Variants in CRTC3 observed in about 807,000 individuals in gnomAD.
CRTC3 encodes the protein CREB-regulated transcription coactivator 3.
A neutral mutation model predicts 74.5 loss-of-function variants in CRTC3; 26 were observed. The observed-to-expected ratio is 0.35, with a 90% CI of 0.26 to 0.48. The LOEUF is 0.48. CRTC3 is among the 20% of genes least tolerant of loss of function. The probability of loss-of-function intolerance (pLI) is 0.99; values close to 1 mark genes in which losing one functional copy is unlikely to be tolerated. For missense variants in CRTC3, 760 were observed against 787.3 expected, an observed-to-expected ratio of 0.97 and a Z score of 0.41; for synonymous variants, 377 against 325.8, an observed-to-expected ratio of 1.16 and a Z score of -1.69.
chr15:90,609,906 G>C (rs572009267), intron 6 of CRTC3, among the ~76,000 whole-genome samples: 1 of 152,308 alleles, frequency 6.6e-6, no homozygotes, highest in East Asian at 1.9e-4. Flanking sequence ...AGAAATTGTT[G>C]GGCTACAATA....
intron 2 of CRTC3, among the ~76,000 whole-genome samples, chr15:90,586,362 CTTTTTTTTT>C (rs55985691): frequency 1.2e-5 from 1 of 81,266 alleles, no homozygotes; most frequent in Non-Finnish European, 2.3e-5. Flanking sequence ...GGTAGAACTT[CTTTTTTTTT>C]TTTTTTTTTT....
At chr15:90,543,169 C>T (rs982457494) in intron 2 of CRTC3, among the ~76,000 whole-genome samples, 8 of 149,770 alleles carry the variant, frequency 5.3e-5, no homozygotes, top group African/African-American at 1.2e-4. Flanking sequence ...TGGTGGTGCA[C>T]GCCTCTGGTC....
At chr15:90,622,890 T>C (rs1391612821) in intron 9 of CRTC3, among the ~76,000 whole-genome samples, 2 of 152,102 alleles carry the variant, frequency 1.3e-5, no homozygotes, top group African/African-American at 2.4e-5. Context: ...AAATTTATAT[T>C]CAGTTTTTCT....
chr15:90,641,074 C>T (rs1359205720), intron 13 of CRTC3, 23 bp from the exon 14 acceptor site: 1 of 1,538,018 alleles, frequency 6.5e-7, no homozygotes, highest in African/African-American at 1.4e-5. Flanking sequence ...TGGCCTTCCT[C>T]ACATGACCTT....
chr15:90,583,400 G>T (rs888663610), intron 2 of CRTC3, among the ~76,000 whole-genome samples: 1 of 152,170 alleles, frequency 6.6e-6, no homozygotes, highest in African/African-American at 2.4e-5. Context: ...CAGGTTGGGT[G>T]CTGGTGCCTT....
chr15:90,627,007 T>C (rs1968860449), intron 10 of CRTC3, among the ~76,000 whole-genome samples: 1 of 152,238 alleles, frequency 6.6e-6, no homozygotes, highest in African/African-American at 2.4e-5. Flanking sequence ...AATTGTGTTG[T>C]GGAGCATTTC....
chr15:90,591,134 A>T (rs1219939463), intron 2 of CRTC3, among the ~76,000 whole-genome samples: 12 of 122,628 alleles, frequency 9.8e-5, no homozygotes, highest in African/African-American at 3.2e-4. Flanking sequence ...TTTTTTTTTT[A>T]ATTTTTTTTT....
Position 90,583,436 on chromosome 15 carries a change from C to T in CRTC3, c.232-10200C>T, listed in dbSNP as rs76569505. On this transcript the variant is annotated intron_variant, in intron 2 of 14. Transcript: ENST00000268184. ...CTCTGGTCTGTTCTGCTCTTCATCT[C>T]TTCTTTTCATGCCTCACAGCAAGAC... Among the ~76,000 whole-genome samples, 1,052 of 152,278 alleles carry T rather than the reference C, an allele frequency of 6.9e-3. 9 individuals carry two copies. The highest frequency in any genetic ancestry group is 0.024 in the African/African-American group (1,002 of 41,534).
intron 2 of CRTC3, among the ~76,000 whole-genome samples, chr15:90,570,961 G>A (rs1173129024): frequency 6.6e-6 from 1 of 152,100 alleles, no homozygotes; most frequent in Admixed American, 6.5e-5. Flanking sequence ...AAAACTACAC[G>A]AGGAACAAAA....
chr15:90,562,798 G>C (rs1183636075), intron 2 of CRTC3, among the ~76,000 whole-genome samples: 2 of 152,068 alleles, frequency 1.3e-5, no homozygotes, highest in African/African-American at 4.8e-5. Flanking sequence ...CAACAGCCTG[G>C]ATGGAAGAGG....
intron 5 of CRTC3, 24 bp downstream of exon 5, chr15:90,604,471 G>A (rs746726061): frequency 2.5e-6 from 4 of 1,580,774 alleles, no homozygotes; most frequent in Non-Finnish European, 3.5e-6. Context: ...TTCCTGGTAG[G>A]AGTAGATTTT....
chr15:90,586,782 C>A (rs1248779211), intron 2 of CRTC3, among the ~76,000 whole-genome samples: 1 of 152,180 alleles, frequency 6.6e-6, no homozygotes, highest in African/African-American at 2.4e-5. Context: ...TATAAAAATA[C>A]AACTATAAGC....
intron 2 of CRTC3, among the ~76,000 whole-genome samples, chr15:90,556,414 G>A (rs987248290): frequency 6.6e-6 from 1 of 152,104 alleles, no homozygotes; most frequent in African/African-American, 2.4e-5. Flanking sequence ...TGACACTGAT[G>A]GATTTGGATA....
chr15:90,561,422 T>G (rs943529374), intron 2 of CRTC3, among the ~76,000 whole-genome samples: 3 of 152,194 alleles, frequency 2.0e-5, no homozygotes, highest in African/African-American at 7.2e-5. Context: ...AAAAATACTT[T>G]TGCTGAAGTC....
chr15:90,552,587 G>A (rs540383200), intron 2 of CRTC3, among the ~76,000 whole-genome samples: 17 of 152,068 alleles, frequency 1.1e-4, no homozygotes, highest in Non-Finnish European at 2.1e-4. Context: ...AAGATGACTC[G>A]GGCAGCAGGC....
intron 11 of CRTC3, chr15:90,634,984 AT>A: frequency 7.2e-7 from 1 of 1,386,812 alleles, no homozygotes; most frequent in Non-Finnish European, 1.0e-6. Context: ...GATGACAAGG[AT>A]TATTTCCTAT....
intron 2 of CRTC3, among the ~76,000 whole-genome samples, chr15:90,570,789 C>T (rs1967245135): frequency 6.6e-6 from 1 of 152,058 alleles, no homozygotes; most frequent in Non-Finnish European, 1.5e-5. Flanking sequence ...GAGAGAGGAT[C>T]TGGGGTGTCT....
intron 11 of CRTC3, among the ~76,000 whole-genome samples, chr15:90,635,211 T>C (rs1489843278): frequency 1.3e-5 from 2 of 151,860 alleles, no homozygotes; most frequent in East Asian, 3.9e-4. Context: ...AATAAAAATA[T>C]GTAAATGAGA....
At chr15:90,592,143 G>C (rs906797838) in intron 2 of CRTC3, among the ~76,000 whole-genome samples, 1 of 152,164 alleles carries the variant, frequency 6.6e-6, no homozygotes, top group Non-Finnish European at 1.5e-5. Context: ...AGAAAAATTA[G>C]TTTTTAGCTG....
Sources: allele counts gnomAD v4.1 joint callset (sites outside exome capture counted in the v4.1 genomes callset), GRCh38; gene constraint gnomAD v4.1.1; transcripts MANE v1.5; gene names NCBI Gene and HGNC (gene_info 2026-07-23, HGNC 2026-07-21).